MYO18B: variants seen among roughly 807,000 people sequenced by gnomAD.
MYO18B encodes unconventional myosin-XVIIIb.
In MYO18B, 204 loss-of-function variants were observed where a neutral mutation model predicts 273.0. The ratio of observed to expected loss-of-function variants is 0.75; its 90% CI spans 0.67 to 0.84. The LOEUF (loss-of-function observed/expected upper bound fraction) is 0.84. Among genes scored for constraint, MYO18B ranks in the 40% least tolerant of loss-of-function variants. The pLI is 0.00. For missense variants in MYO18B, 3,212 were observed against 3,287.6 expected (o/e 0.98, Z 0.56); for synonymous variants, 1,330 against 1,305.7 (o/e 1.02, Z -0.40).
At chr22:26,039,109 TCTC>T in the MYO18B span, among the ~76,000 whole-genome samples, 3 of 150,858 alleles carry the variant, frequency 2.0e-5, no homozygotes, top group African/African-American at 4.9e-5. Context: ...TTTTCCATCT[TCTC>T]CTGCCTGCTC....
intron 17 of MYO18B, 81 bp downstream of exon 17, chr22:25,835,524 C>T (rs908827118): frequency 1.2e-5 from 18 of 1,557,094 alleles, no homozygotes; most frequent in Non-Finnish European, 1.5e-5. Context: ...CAGGGAAAGC[C>T]CTGACAAGGC....
chr22:25,783,909 C>G (rs1476460323), intron 10 of MYO18B, among the ~76,000 whole-genome samples: 2 of 152,222 alleles, frequency 1.3e-5, no homozygotes, highest in African/African-American at 4.8e-5. Flanking sequence ...CCAATTACTT[C>G]CCTTTCTCTA....
chr22:25,951,139 C>T (rs113361541), intron 37 of MYO18B, among the ~76,000 whole-genome samples: 5,346 of 152,230 alleles, frequency 0.035, 301 homozygotes, highest in African/African-American at 0.12. Context: ...ATCTGCCTTC[C>T]CCAGCCCACT....
At position 25,781,817 on chromosome 22, in the gene MYO18B, ATTGGAC is replaced by A; in HGVS notation, c.2301_2306del (p.Asp769_Leu770del). 1.3e-6 allele frequency: 2 copies of A among 1,587,312 alleles called. No homozygotes were observed. Among genetic ancestry groups the A allele is most frequent in the Non-Finnish European group, 1.7e-6 (2 of 1,168,358 alleles). Reference sequence around the variant, plus strand: ...TGGTTTTCTCCCAGATGCTGGCTGGATTGGACTTGGATCTCAGGTGAGCACTTGGGG... The same window carrying A: ...TGGTTTTCTCCCAGATGCTGGCTGGATTGGATCTCAGGTGAGCACTTGGGG... On this transcript the variant is annotated inframe_deletion, in exon 10 of 44. Transcript: ENST00000335473.
chr22:25,769,299 A>G lies in MYO18B; in HGVS notation c.1383A>G (p.Thr461=). The G allele has an allele frequency of 6.3e-7, 1 of 1,581,476 alleles. No individual in the cohort carries two copies. Among genetic ancestry groups the G allele is most frequent in the Admixed American group, 1.8e-5 (1 of 54,266 alleles). Residue 461 remains threonine (T), a synonymous_variant, in exon 4 of 44, where the codon ACA becomes ACG. Coordinates refer to ENST00000335473, the MANE Select transcript of MYO18B (RefSeq NM_032608.7). ...RAGDGAGALE[T]ELEGPSQPAL... ...GTGATGGGGCTGGTGCCCTGGAGAC[A>G]GAGCTGGAAGGACCCAGCCAGCCTG...
chr22:25,761,227 C>G (rs757506721), intron 2 of MYO18B, 96 bp downstream of exon 2: 22 of 1,356,162 alleles, frequency 1.6e-5, no homozygotes, highest in Non-Finnish European at 2.3e-5. Flanking sequence ...AGTGGGGAGT[C>G]TGACATCCAG....
intron 42 of MYO18B, among the ~76,000 whole-genome samples, chr22:26,012,246 A>T (rs1380687997): frequency 6.6e-6 from 1 of 152,224 alleles, no homozygotes; most frequent in Admixed American, 6.5e-5. Flanking sequence ...TTAATTATGG[A>T]TATGTGAATA....
intron 39 of MYO18B, among the ~76,000 whole-genome samples, chr22:25,960,074 C>T (rs1490900614): frequency 6.6e-6 from 1 of 152,184 alleles, no homozygotes; most frequent in African/African-American, 2.4e-5. Context: ...TTTATACCCC[C>T]AGCTGACTCT....
intron 35 of MYO18B, among the ~76,000 whole-genome samples, chr22:25,946,873 C>G (rs1410056342): frequency 6.6e-6 from 1 of 152,174 alleles, no homozygotes; most frequent in Non-Finnish European, 1.5e-5. Context: ...TATTATGGAA[C>G]TACCCTGTGC....
rs574076010 is a variant in MYO18B at position 25,846,035 on chromosome 22, A to G, written c.3369-65A>G. 95 of 1,390,580 alleles carry G rather than the reference A, an allele frequency of 6.8e-5. No individual in the cohort carries two copies. The South Asian group carries it at 1.4e-3, about 20-fold the overall frequency. The allele number at this position is 1,390,580 out of a possible 1,614,324, so 86.1% of individuals were successfully genotyped here. ...AAGAAGGCTTGTTCCCTTTGCCACC[A>G]CCCAGGCCAAGGCTTTCCCAAGAAC... On this transcript the variant is annotated intron_variant, in intron 18 of 43. Coordinates refer to ENST00000335473, the MANE Select transcript of MYO18B (RefSeq NM_032608.7).
the MYO18B span, among the ~76,000 whole-genome samples, chr22:26,051,926 G>A: frequency 8.3e-4 from 126 of 152,300 alleles, 1 homozygote; most frequent in African/African-American, 2.7e-3. Context: ...AAATACCACC[G>A]TAATATGCCA....
chr22:25,963,803 T>C (rs1444588561), intron 39 of MYO18B, among the ~76,000 whole-genome samples: 1 of 151,932 alleles, frequency 6.6e-6, no homozygotes, highest in African/African-American at 2.4e-5. Context: ...AATGAGATCA[T>C]GTATACAAAA....
At chr22:25,933,516 G>A (rs1249272602) in intron 34 of MYO18B, among the ~76,000 whole-genome samples, 1 of 152,172 alleles carries the variant, frequency 6.6e-6, no homozygotes, top group Non-Finnish European at 1.5e-5. Context: ...CCATCCACAT[G>A]TGCTGGCCTT....
At chr22:25,743,194 G>C (rs796515558) in intron 1 of MYO18B, among the ~76,000 whole-genome samples, 2 of 152,264 alleles carry the variant, frequency 1.3e-5, no homozygotes, top group African/African-American at 4.8e-5. Context: ...CCTGGAATAC[G>C]ACGAGGCTGT....
At chr22:25,763,989 G>A (rs576561178) in intron 3 of MYO18B, among the ~76,000 whole-genome samples, 14 of 152,278 alleles carry the variant, frequency 9.2e-5, no homozygotes, top group Middle Eastern at 3.4e-3. Context: ...GTGGTAAATG[G>A]TTGTAACCCT....
At chr22:25,828,352 T>C (rs923927451) in intron 14 of MYO18B, among the ~76,000 whole-genome samples, 1 of 152,200 alleles carries the variant, frequency 6.6e-6, no homozygotes, top group African/African-American at 2.4e-5. Context: ...CCCCTACAGA[T>C]TCATCAGGAG....
rs967426057 is a variant in MYO18B, at chr22:25,999,632, C to T, written c.6288-3633C>T. On this transcript the variant is annotated intron_variant, in intron 40 of 43. Coordinates refer to ENST00000335473, the MANE Select transcript of MYO18B (RefSeq NM_032608.7). ...TTCTCCTTCTCTTCCTCCTCCTCCT[C>T]CTCCTCCTTTCTCCTCCTTCTCCTC... Among the ~76,000 whole-genome samples the T allele has an allele frequency of 1.4e-4, 18 of 124,422 alleles. No individual in the cohort carries two copies. The East Asian group carries it at 3.8e-3, about 26-fold the overall frequency. 81.6% of individuals were successfully genotyped at this position (124,422 alleles called of 152,430 possible). A position where few individuals can be genotyped will look rare whatever the true frequency, so the allele number is the denominator to read the frequency against.
intron 33 of MYO18B, among the ~76,000 whole-genome samples, chr22:25,918,330 A>G (rs1601571101): frequency 1.3e-5 from 2 of 152,226 alleles, no homozygotes; most frequent in South Asian, 2.1e-4. Context: ...AGCTCCCCAA[A>G]CAATTTGCCT....
chr22:25,895,467 T>C (rs1293127939), intron 28 of MYO18B, 187 bp downstream of exon 28: 2 of 631,220 alleles, frequency 3.2e-6, no homozygotes, highest in African/African-American at 3.7e-5. Context: ...AAATATTGTC[T>C]GTACATGTGG....
Sources: allele counts gnomAD v4.1 joint callset (sites outside exome capture counted in the v4.1 genomes callset), GRCh38; gene constraint gnomAD v4.1.1; transcripts MANE v1.5; gene names NCBI Gene and HGNC (gene_info 2026-07-23, HGNC 2026-07-21).